Variants in FAM186A observed in about 807,000 individuals in gnomAD.
FAM186A encodes protein FAM186A.
A neutral mutation model predicts 216.8 loss-of-function variants in FAM186A; 163 were observed. The observed-to-expected ratio is 0.75, with a 90% CI of 0.66 to 0.86. FAM186A has a LOEUF of 0.86. Ranked by LOEUF, FAM186A falls within the 40% of genes least tolerant of loss-of-function variation. FAM186A has a pLI of 0.00. For synonymous variants in FAM186A, 805 were observed against 1,025.3 expected (o/e 0.79, Z 4.10); for missense variants, 2,184 against 2,746.2 (o/e 0.80, Z 4.58).
Position 50,362,930 on chromosome 12 carries a change from A to T in FAM186A, c.412+215T>A, listed in dbSNP as rs565807710. On this transcript the variant is annotated intron_variant, in intron 2 of 7. Transcript: ENST00000327337. ...CATAAAAACACGGCTGGCATGCTTT[A>T]AAAAAAGCAAGGAGGCCAGCATAGC... Among the ~76,000 whole-genome samples the T allele has an allele frequency of 6.6e-5, 10 of 152,234 alleles. No homozygotes were observed. In the East Asian group the frequency reaches 1.5e-3, roughly 24 times the overall value.
intron 1 of FAM186A, among the ~76,000 whole-genome samples, chr12:50,373,608 CT>C (rs1943170417): frequency 6.6e-6 from 1 of 152,152 alleles, no homozygotes; most frequent in Non-Finnish European, 1.5e-5. Flanking sequence ...TTCATACCAT[CT>C]CACACCAGTT....
chr12:50,376,963 G>A (rs1943204179), intron 1 of FAM186A, among the ~76,000 whole-genome samples: 1 of 151,750 alleles, frequency 6.6e-6, no homozygotes, highest in African/African-American at 2.4e-5. Flanking sequence ...TGCTCAAGCT[G>A]GTCTGAAACT....
intron 4 of FAM186A, among the ~76,000 whole-genome samples, chr12:50,340,995 C>G (rs976041904): frequency 6.6e-6 from 1 of 152,082 alleles, no homozygotes; most frequent in Non-Finnish European, 1.5e-5. Context: ...TGGGGTTTTG[C>G]CTTGTTGGCC....
rs1220191780 is a variant in FAM186A at position 50,363,358 on chromosome 12, C to G, written c.199G>C (p.Asp67His). The G allele has an allele frequency of 9.0e-6, 14 of 1,548,110 alleles. No homozygotes were observed. The highest frequency in any genetic ancestry group is 1.2e-5 in the Non-Finnish European group (14 of 1,145,334). The change falls in exon 2 of 8, where the codon GAT (aspartate) becomes CAT (histidine). Residue 67 changes from aspartate to histidine, a missense_variant. This residue lies in a region of FAM186A where 1,132 missense variants were observed against 1,263.4 expected (regional missense o/e 0.90). Transcript: ENST00000327337. ...AQLHRAREDI[D>H]MQLSEIMNNV... is the part of the protein sequence containing the mutation. ...TTCATTATTTCACTCAGCTGCATAT[C>G]AATGTCCTGTCAGAATAAGAAGGGG...
chr12:50,346,249 G>GAAAGAAAGAAAGAAAGAAAGAAAGAAAA (rs1592603875), intron 4 of FAM186A, among the ~76,000 whole-genome samples: 1 of 150,036 alleles, frequency 6.7e-6, no homozygotes, highest in East Asian at 2.0e-4. Flanking sequence ...AAGAAAGAAA[G>GAAAGAAAGAAAGAAAGAAAGAAAGAAAA]AAAGAAAGAA....
intron 1 of FAM186A, among the ~76,000 whole-genome samples, chr12:50,388,631 A>AG (rs934243892): frequency 6.6e-6 from 1 of 151,998 alleles, no homozygotes; most frequent in African/African-American, 2.4e-5. Flanking sequence ...AAAAAAAAAA[A>AG]AAAAGATGTA....
Position 50,388,341 on chromosome 12 carries a change from G to A in FAM186A, c.192+7952C>T, listed in dbSNP as rs7131824. The stretch of plus-strand genomic sequence containing the variant: ...TCAAGGTTTATCCTTTCAGCCAGGC[G>A]GGCGCAGTGGCTCACACCTGTAATC... On this transcript the variant is annotated intron_variant, in intron 1 of 7. Transcript: ENST00000327337. Among the ~76,000 whole-genome samples, 889 of 152,266 alleles carry A rather than the reference G, an allele frequency of 5.8e-3. 7 individuals carry two copies. Among genetic ancestry groups the A allele is most frequent in the African/African-American group, 0.021 (853 of 41,558 alleles).
intron 3 of FAM186A, among the ~76,000 whole-genome samples, chr12:50,358,655 TG>T (rs1238654146): frequency 3.8e-4 from 57 of 151,996 alleles, no homozygotes; most frequent in Admixed American, 3.7e-3. Context: ...CCAGGCGCAG[TG>T]GCTCATGCCT....
intron 4 of FAM186A, among the ~76,000 whole-genome samples, chr12:50,349,897 C>T (rs1942857899): frequency 6.6e-6 from 1 of 152,138 alleles, no homozygotes; most frequent in African/African-American, 2.4e-5. Flanking sequence ...AGTTATCCAC[C>T]TGCCTCAGCC....
chr12:50,341,902 A>C (rs988635480), intron 4 of FAM186A, among the ~76,000 whole-genome samples: 1 of 152,168 alleles, frequency 6.6e-6, no homozygotes, highest in African/African-American at 2.4e-5. Context: ...AGCCAGTGTA[A>C]TATCATAGGG....
chr12:50,393,498 T>A (rs57578212), intron 1 of FAM186A, among the ~76,000 whole-genome samples: 1 of 149,824 alleles, frequency 6.7e-6, no homozygotes, highest in Admixed American at 6.7e-5. Flanking sequence ...TCCGAGGTGG[T>A]GCCATTGCAC....
chr12:50,342,426 AGG>A (rs1188273393), intron 4 of FAM186A, among the ~76,000 whole-genome samples: 1 of 151,846 alleles, frequency 6.6e-6, no homozygotes, highest in East Asian at 1.9e-4. Flanking sequence ...AATAGAACTA[AGG>A]GGGAAAAATC....
At position 50,353,965 on chromosome 12, in the gene FAM186A, A is replaced by G; in HGVS notation, c.2867T>C (p.Leu956Ser). 1 of 1,553,010 alleles carries G rather than the reference A, an allele frequency of 6.4e-7. No individual in the cohort carries two copies. Among genetic ancestry groups the G allele is most frequent in the Admixed American group, 2.0e-5 (1 of 51,104 alleles). ...MRQIQKEAKH[L>S]GPHRRREKGK... is the part of the protein sequence containing the mutation. Reference sequence around the variant, plus strand: ...TTTCTCCCTTCTCCTGTGTGGCCCCAAATGTTTCGCTTCCTTCTGAATCTG... The same window carrying G: ...TTTCTCCCTTCTCCTGTGTGGCCCCGAATGTTTCGCTTCCTTCTGAATCTG... The change falls in exon 4 of 8, where the codon TTG becomes TCG. Residue 956 changes from leucine (L) to serine (S), a missense_variant. Leu to Ser is a moderately radical substitution (Grantham distance 145, BLOSUM62 -2). Transcript: ENST00000327337.
intron 4 of FAM186A, among the ~76,000 whole-genome samples, chr12:50,338,526 A>G (rs1012949139): frequency 1.3e-5 from 2 of 152,160 alleles, no homozygotes; most frequent in Non-Finnish European, 2.9e-5. Context: ...AGTAAATATT[A>G]TTATATCCAT....
At chr12:50,358,402 G>A (rs945496370) in intron 3 of FAM186A, among the ~76,000 whole-genome samples, 5 of 151,390 alleles carry the variant, frequency 3.3e-5, no homozygotes, top group Non-Finnish European at 2.9e-5. Flanking sequence ...ACAACACGAT[G>A]AGACTCTGTC....
At chr12:50,329,195 G>A (rs759004542) in intron 7 of FAM186A, among the ~76,000 whole-genome samples, 1 of 152,156 alleles carries the variant, frequency 6.6e-6, no homozygotes, top group Non-Finnish European at 1.5e-5. Flanking sequence ...TGAGTAAGAA[G>A]TGGTTAGGTC....
At position 50,352,756 on chromosome 12, in the gene FAM186A, A is replaced by C; in HGVS notation, c.4076T>G (p.Leu1359Arg). ...GTGCTGAGGGGTGAGAGGGATCCCC[A>C]GTTCCTGAGCCTGCTGAGTGGTGAG... ...MPLTTQQAQE[L>R]GIPLTPQHAQ... Residue 1359 changes from leucine (L) to arginine (R), a missense_variant, in exon 4 of 8, where the codon CTG (leucine) becomes CGG (arginine). Transcript: ENST00000327337. 2 of 1,535,700 alleles carry C rather than the reference A, an allele frequency of 1.3e-6. No individual in the cohort carries two copies. The highest frequency in any genetic ancestry group is 8.8e-7 in the Non-Finnish European group (1 of 1,141,588).
intron 1 of FAM186A, among the ~76,000 whole-genome samples, chr12:50,383,448 T>C (rs886538418): frequency 6.6e-6 from 1 of 151,106 alleles, no homozygotes; most frequent in Non-Finnish European, 1.5e-5. Context: ...TACAAAAAAT[T>C]AGCTGGGCGT....
chr12:50,329,902 T>C (rs1253797583), intron 7 of FAM186A, among the ~76,000 whole-genome samples: 1 of 152,224 alleles, frequency 6.6e-6, no homozygotes, highest in African/African-American at 2.4e-5. Context: ...GGCCTAACAC[T>C]ACTTCTTACG....
Sources: gnomAD v4.1 joint callset for allele counts (sites outside exome capture counted in the v4.1 genomes callset) on GRCh38, gnomAD v4.1.1 for gene constraint, gnomAD v4.1.1 regional missense constraint, MANE v1.5 for transcripts, NCBI Gene and HGNC (gene_info 2026-07-23, HGNC 2026-07-21) for gene names.